Variants in TMEM120B observed in about 807,000 individuals in gnomAD.
TMEM120B encodes transmembrane protein 120B.
TMEM120B carries 31 observed loss-of-function variants against 55.5 expected under a neutral mutation model. The ratio of observed to expected loss-of-function variants is 0.56; its 90% CI spans 0.42 to 0.75. The LOEUF (loss-of-function observed/expected upper bound fraction) is 0.75. TMEM120B is among the 30% of genes least tolerant of loss of function. The pLI is 0.00. For synonymous variants in TMEM120B, 203 were observed against 176.3 expected (o/e 1.15, Z -1.20); for missense variants, 399 against 425.5 (o/e 0.94, Z 0.55).
At chr12:121,772,089 C>CTCTCTCTT (rs1470411743) in intron 8 of TMEM120B, among the ~76,000 whole-genome samples, 5 of 91,422 alleles carry the variant, frequency 5.5e-5, no homozygotes, top group African/African-American at 2.1e-4. Flanking sequence ...TTCTCTTTCT[C>CTCTCTCTT]TCTCTCTCTC....
In TMEM120B at chr12:121,780,785, G is replaced by C. The variant is rs1874420332; in HGVS notation, c.*5063G>C. On this transcript the variant is annotated 3_prime_UTR_variant, in exon 12 of 12. Coordinates refer to ENST00000449592, the MANE Select transcript of TMEM120B (RefSeq NM_001080825.2). ...CTTGCTTCCCTCAGCTCCCTGAAAG[G>C]CCACTAAGGCACCCCAGTTGCAGAG... 1 of 1,452,592 alleles carries C rather than the reference G, an allele frequency of 6.9e-7. No individual in the cohort carries two copies. The highest frequency in any genetic ancestry group is 2.3e-5 in the East Asian group (1 of 43,570). The allele number at this position is 1,452,592 out of a possible 1,614,324, so 90.0% of individuals were successfully genotyped here. A position where few individuals can be genotyped will look rare whatever the true frequency, so the allele number is the denominator to read the frequency against.
At chr12:121,733,741 T>A (rs1189740058) in intron 1 of TMEM120B, among the ~76,000 whole-genome samples, 2 of 151,754 alleles carry the variant, frequency 1.3e-5, no homozygotes, top group Non-Finnish European at 2.9e-5. Flanking sequence ...TTTCGCCATG[T>A]AGGCCAGGCT....
Position 121,775,514 on chromosome 12 carries a change from T to G in TMEM120B, c.907-95T>G. ...TGGCAAAACCCTGCAGTTTGGGAGT[T>G]TGGGGGCAGCTGTGCTGGAGATTCT... On this transcript the variant is annotated intron_variant, in intron 11 of 11. Coordinates refer to ENST00000449592, the MANE Select transcript of TMEM120B (RefSeq NM_001080825.2). The surrounding 1 kb of genome is among the most constrained non-coding windows in gnomAD (Gnocchi z 4.3). 1 of 1,500,330 alleles carries G rather than the reference T, an allele frequency of 6.7e-7. No individual in the cohort carries two copies. The allele number at this position is 1,500,330 out of a possible 1,614,324, so 92.9% of individuals were successfully genotyped here. A position where few individuals can be genotyped will look rare whatever the true frequency, so the allele number is the denominator to read the frequency against.
rs1592954233 is a variant in TMEM120B, at chr12:121,779,398, C to A, written c.*3676C>A. 1 of 1,305,162 alleles carries A rather than the reference C, an allele frequency of 7.7e-7. No homozygotes were observed. Among genetic ancestry groups the A allele is most frequent in the Admixed American group, 2.1e-5 (1 of 46,636 alleles). 80.8% of individuals were successfully genotyped at this position (1,305,162 alleles called of 1,614,324 possible). Reference sequence around the variant, plus strand: ...AGAGTCTAGCCGCAGGCCCCAGACACCATGAGCTGGAGGGTCGGGATGGGG... The same window carrying A: ...AGAGTCTAGCCGCAGGCCCCAGACAACATGAGCTGGAGGGTCGGGATGGGG... On this transcript the variant is annotated 3_prime_UTR_variant, in exon 12 of 12. Coordinates refer to ENST00000449592, the MANE Select transcript of TMEM120B (RefSeq NM_001080825.2).
chr12:121,726,043 A>AAC (rs1202474306), intron 1 of TMEM120B, among the ~76,000 whole-genome samples: 3 of 149,972 alleles, frequency 2.0e-5, no homozygotes, highest in Non-Finnish European at 4.5e-5. Flanking sequence ...CTCAAAAAAA[A>AAC]AAAAACAAAA....
Position 121,750,248 on chromosome 12 carries a change from C to T in TMEM120B, c.306-132C>T, listed in dbSNP as rs1873233139. ...CTCACTCGATGTGGGGGCCCATTTGCCCGCTGAGCTTAGGCCCCCTATCTT... is the reference window on the plus strand; with the variant it reads ...CTCACTCGATGTGGGGGCCCATTTGTCCGCTGAGCTTAGGCCCCCTATCTT... On this transcript the variant is annotated intron_variant, in intron 3 of 11. Coordinates refer to ENST00000449592, the MANE Select transcript of TMEM120B (RefSeq NM_001080825.2). 7 of 813,028 alleles carry T rather than the reference C, an allele frequency of 8.6e-6. No homozygotes were observed. The East Asian group carries it at 1.5e-4, about 17-fold the overall frequency. The allele number at this position is 813,028 out of a possible 1,614,324, so 50.4% of individuals were successfully genotyped here. A position where few individuals can be genotyped will look rare whatever the true frequency, so the allele number is the denominator to read the frequency against.
chr12:121,774,200 C>T (rs907762278), intron 9 of TMEM120B, among the ~76,000 whole-genome samples: 11 of 152,172 alleles, frequency 7.2e-5, no homozygotes, highest in Admixed American at 4.6e-4. Context: ...AAGTGATCTG[C>T]CCACCTTGGC....
intron 5 of TMEM120B, among the ~76,000 whole-genome samples, chr12:121,760,944 C>T (rs1592943617): frequency 6.6e-6 from 1 of 152,114 alleles, no homozygotes; most frequent in East Asian, 1.9e-4. Flanking sequence ...TATCTTAACA[C>T]TGCAGGCAAC....
At chr12:121,773,644 C>G in intron 9 of TMEM120B, 131 bp downstream of exon 9, 1 of 648,938 alleles carries the variant, frequency 1.5e-6, no homozygotes, top group Admixed American at 3.8e-5. Context: ...GAAGCGCCTT[C>G]CAGAATTCAT....
In TMEM120B at chr12:121,712,795, C is replaced by T. The variant is rs1894623330; in HGVS notation, c.-101C>T. On this transcript the variant is annotated 5_prime_UTR_variant, in exon 1 of 12. Coordinates refer to ENST00000449592, the MANE Select transcript of TMEM120B (RefSeq NM_001080825.2). ...GGCTGCGCAGGAACAGCTGGTGCCT[C>T]CGAGGGCGGTCGGCGAGCGCGCGGG... 4.7e-6 allele frequency: 4 copies of T among 860,002 alleles called. No individual in the cohort carries two copies. The highest frequency in any genetic ancestry group is 7.6e-5 in the East Asian group (2 of 26,170). 53.3% of individuals were successfully genotyped at this position (860,002 alleles called of 1,614,324 possible).
Position 121,775,838 on chromosome 12 carries a change from C to T in TMEM120B, c.*116C>T. ...CTGGGAGAGGGCCCAGGCCCTGGTC[C>T]CCCAGTGGACCCCAGTGGTCTAGAG... On this transcript the variant is annotated 3_prime_UTR_variant, in exon 12 of 12. Transcript: ENST00000449592. The surrounding 1 kb of genome is among the most constrained non-coding windows in gnomAD (Gnocchi z 4.3). The T allele has an allele frequency of 1.0e-6, 1 of 982,532 alleles. No individual in the cohort carries two copies. Among genetic ancestry groups the T allele is most frequent in the African/African-American group, 1.6e-5 (1 of 62,608 alleles). The allele number at this position is 982,532 out of a possible 1,614,324, so 60.9% of individuals were successfully genotyped here.
chr12:121,743,636 A>G lies in TMEM120B; in HGVS notation c.77A>G (p.His26Arg). The G allele has an allele frequency of 6.2e-7, 1 of 1,613,310 alleles. No individual in the cohort carries two copies. Among genetic ancestry groups the G allele is most frequent in the Non-Finnish European group, 8.5e-7 (1 of 1,179,830 alleles). ...GGGTCCCCTGTTCTTCAGGAGACGC[A>G]CAGGATCTACAAGCAGAAGCTGGAG... ...EGEFQELQET[H>R]RIYKQKLEEL... Residue 26 changes from histidine (H) to arginine (R), a missense_variant, in exon 2 of 12, where the codon CAC (histidine) becomes CGC (arginine). Around this residue, in one of 3 missense-constraint regions of TMEM120B, gnomAD observed 133 missense variants for 104.1 expected, o/e 1.28. Transcript: ENST00000449592.
At chr12:121,774,225 G>T (rs1260007128) in intron 9 of TMEM120B, among the ~76,000 whole-genome samples, 1 of 152,122 alleles carries the variant, frequency 6.6e-6, no homozygotes, top group Non-Finnish European at 1.5e-5. Context: ...CAACGTGCTG[G>T]GATTATAGGC....
chr12:121,736,072 A>G (rs1260438989), intron 1 of TMEM120B, among the ~76,000 whole-genome samples: 1 of 152,142 alleles, frequency 6.6e-6, no homozygotes, highest in African/African-American at 2.4e-5. Context: ...CCAAACTTGC[A>G]GGGTGGTGAG....
At chr12:121,745,040 C>T (rs539602587) in intron 2 of TMEM120B, among the ~76,000 whole-genome samples, 10 of 152,252 alleles carry the variant, frequency 6.6e-5, no homozygotes, top group African/African-American at 1.7e-4. Flanking sequence ...TTGTGGGGGC[C>T]GTGCAGTGCA....
At chr12:121,729,087 G>C (rs1894950083) in intron 1 of TMEM120B, among the ~76,000 whole-genome samples, 1 of 152,236 alleles carries the variant, frequency 6.6e-6, no homozygotes, top group Non-Finnish European at 1.5e-5. Context: ...ACATTTCATG[G>C]ACTGAGTGTG....
chr12:121,757,085 T>A (rs942353387), intron 5 of TMEM120B, among the ~76,000 whole-genome samples: 1 of 150,078 alleles, frequency 6.7e-6, no homozygotes, highest in African/African-American at 2.5e-5. Flanking sequence ...GAGGTCAACA[T>A]GACTTGAACA....
rs1874231379 is a variant in TMEM120B, at chr12:121,775,948, C to G, written c.*226C>G. The G allele has an allele frequency of 1.6e-6, 1 of 611,242 alleles. No individual in the cohort carries two copies. Among genetic ancestry groups the G allele is most frequent in the South Asian group, 1.9e-5 (1 of 51,530 alleles). The allele number at this position is 611,242 out of a possible 1,614,324, so 37.9% of individuals were successfully genotyped here. ...CTGGGTCCCCCATCGTCCCTGGAAC[C>G]CGAGGCCTCACTCCTGTGCTTGAAG... is the stretch of plus-strand genomic sequence containing the variant. On this transcript the variant is annotated 3_prime_UTR_variant, in exon 12 of 12. Coordinates refer to ENST00000449592, the MANE Select transcript of TMEM120B (RefSeq NM_001080825.2). This position sits in a 1 kb window ranked among gnomAD's most constrained non-coding sequence, Gnocchi z 4.3.
At chr12:121,721,228 GA>G (rs1032603564) in intron 1 of TMEM120B, among the ~76,000 whole-genome samples, 7 of 152,266 alleles carry the variant, frequency 4.6e-5, no homozygotes, top group African/African-American at 1.7e-4. Flanking sequence ...GCCCAGGCTG[GA>G]ATGCAGTGGT....
Sources: gnomAD v4.1 joint callset for allele counts (sites outside exome capture counted in the v4.1 genomes callset) on GRCh38, gnomAD v4.1.1 for gene constraint, gnomAD v4.1.1 regional missense constraint, Gnocchi (gnomAD v3.1) non-coding constraint, MANE v1.5 for transcripts, NCBI Gene and HGNC (gene_info 2026-07-23, HGNC 2026-07-21) for gene names.